MAST4: variants seen among roughly 807,000 people sequenced by gnomAD.
The protein encoded by MAST4 is microtubule associated serine/threonine kinase family member 4.
In MAST4, 89 loss-of-function variants were observed where a neutral mutation model predicts 162.7. That is an observed-to-expected ratio of 0.55 (90% confidence interval 0.46 to 0.65). The LOEUF is 0.65. Among genes scored for constraint, MAST4 ranks in the 30% least tolerant of loss-of-function variants. The pLI is 0.00. For synonymous variants in MAST4, 1,479 were observed against 1,361.1 expected, an observed-to-expected ratio of 1.09 and a Z score of -1.91; for missense variants, 3,153 against 3,374.0, an observed-to-expected ratio of 0.93 and a Z score of 1.62.
chr5:66,957,796 G>A (rs568316245), intron 4 of MAST4, among the ~76,000 whole-genome samples: 117 of 152,278 alleles, frequency 7.7e-4, no homozygotes, highest in African/African-American at 2.8e-3. Context: ...GGGAGACTTC[G>A]TGAAAATGAG....
intron 7 of MAST4, among the ~76,000 whole-genome samples, chr5:67,099,836 T>C (rs926326459): frequency 6.6e-6 from 1 of 151,898 alleles, no homozygotes; most frequent in Non-Finnish European, 1.5e-5. Flanking sequence ...TTTTAAGTTA[T>C]AATCTCAGCC....
chr5:66,643,808 T>A (rs1343764110), intron 1 of MAST4, among the ~76,000 whole-genome samples: 1 of 152,016 alleles, frequency 6.6e-6, no homozygotes, highest in Non-Finnish European at 1.5e-5. Context: ...TCCATTTGCA[T>A]TCCTAAATTG....
chr5:66,768,152 G>T (rs1254942039), intron 2 of MAST4, among the ~76,000 whole-genome samples: 3 of 152,210 alleles, frequency 2.0e-5, no homozygotes, highest in African/African-American at 4.8e-5. Flanking sequence ...AAGAAAATGT[G>T]CAATGAAAGG....
intron 4 of MAST4, among the ~76,000 whole-genome samples, chr5:66,955,883 A>T (rs951967819): frequency 2.6e-5 from 4 of 152,044 alleles, no homozygotes; most frequent in African/African-American, 9.7e-5. Context: ...ATGCCTGATT[A>T]TGTGTGTGTT....
chr5:66,785,311 C>T (rs2149668767), intron 2 of MAST4, among the ~76,000 whole-genome samples: 1 of 152,328 alleles, frequency 6.6e-6, no homozygotes, highest in East Asian at 1.9e-4. Context: ...AATCACTCTG[C>T]TCCCATCTTT....
rs953346311 is a variant in MAST4 at position 66,781,835 on chromosome 5, A to G, written c.518-6835A>G. ...GGTGATACGGAACTTTTTTAATGGAAGCTTTCAAATCTAATCGGGTACCAT... is the reference window on the plus strand; with the variant it reads ...GGTGATACGGAACTTTTTTAATGGAGGCTTTCAAATCTAATCGGGTACCAT... On this transcript the variant is annotated intron_variant, in intron 2 of 28. Coordinates refer to ENST00000403625, the MANE Select transcript of MAST4 (RefSeq NM_001164664.2). Among the ~76,000 whole-genome samples the G allele has an allele frequency of 2.6e-5, 4 of 152,236 alleles. No individual in the cohort carries two copies. The East Asian group carries it at 7.7e-4, about 29-fold the overall frequency.
At chr5:67,033,032 C>T (rs188135499) in intron 4 of MAST4, among the ~76,000 whole-genome samples, 11 of 151,944 alleles carry the variant, frequency 7.2e-5, no homozygotes, top group Non-Finnish European at 1.3e-4. Context: ...TCTAACCATG[C>T]TTACGAAGAC....
intron 14 of MAST4, among the ~76,000 whole-genome samples, chr5:67,128,817 G>A (rs1768567246): frequency 6.6e-6 from 1 of 152,152 alleles, no homozygotes; most frequent in African/African-American, 2.4e-5. Flanking sequence ...TATAAGGTGG[G>A]CACTGGACAT....
chr5:66,938,782 T>C (rs2150095654), intron 4 of MAST4, among the ~76,000 whole-genome samples: 1 of 152,220 alleles, frequency 6.6e-6, no homozygotes. Context: ...GTGAAACAAA[T>C]ATTAAATGGT....
In MAST4 at chr5:67,153,668, C is replaced by T. The variant is rs937687477; in HGVS notation, c.3648+88C>T. 12 of 1,237,556 alleles carry T rather than the reference C, an allele frequency of 9.7e-6. No homozygotes were observed. In the Admixed American group the frequency reaches 3.6e-4, roughly 37 times the overall value. The allele number at this position is 1,237,556 out of a possible 1,614,324, so 76.7% of individuals were successfully genotyped here. ...AGGAGATTGATTTCCCTGTGTCACA[C>T]CCATGTCTGATTACTGAGAAAGTAT... On this transcript the variant is annotated intron_variant, in intron 26 of 28. Coordinates refer to ENST00000403625, the MANE Select transcript of MAST4 (RefSeq NM_001164664.2).
intron 3 of MAST4, among the ~76,000 whole-genome samples, chr5:66,819,669 C>A (rs1293798691): frequency 6.6e-6 from 1 of 151,944 alleles, no homozygotes; most frequent in African/African-American, 2.4e-5. Context: ...AGAAAATTTT[C>A]CAGAGTTTTT....
intron 4 of MAST4, among the ~76,000 whole-genome samples, chr5:66,983,632 G>C (rs758077717): frequency 6.6e-6 from 1 of 152,090 alleles, no homozygotes; most frequent in Non-Finnish European, 1.5e-5. Context: ...GAAATGATTA[G>C]TAAATAGTTT....
chr5:66,960,800 T>C (rs73768753), intron 4 of MAST4, among the ~76,000 whole-genome samples: 4,475 of 152,274 alleles, frequency 0.029, 228 homozygotes, highest in African/African-American at 0.1. Context: ...AGTAACTTTT[T>C]AAAAATATGA....
intron 1 of MAST4, among the ~76,000 whole-genome samples, chr5:66,706,978 C>A (rs889302548): frequency 5.3e-5 from 8 of 152,210 alleles, no homozygotes; most frequent in African/African-American, 1.9e-4. Context: ...CTTTCAGTTA[C>A]TGTAATTTCT....
intron 1 of MAST4, among the ~76,000 whole-genome samples, chr5:66,749,745 A>G (rs1272551086): frequency 1.3e-5 from 2 of 152,214 alleles, no homozygotes; most frequent in Non-Finnish European, 2.9e-5. Flanking sequence ...CTAACATCTC[A>G]TGGTTGAGGA....
intron 1 of MAST4, among the ~76,000 whole-genome samples, chr5:66,617,151 G>A (rs912539450): frequency 3.9e-5 from 6 of 152,222 alleles, no homozygotes; most frequent in Non-Finnish European, 4.4e-5. Context: ...ATACAACCAG[G>A]AGCAGTATCT....
At position 66,620,850 on chromosome 5, in the gene MAST4, G is replaced by A. The variant is rs557613913; in HGVS notation, c.363+23832G>A. ...TTAGAATGGTAGGGAGCTCAAAAGT[G>A]GAGGATTGTGACTTCAGTTGTGGCT... is the stretch of plus-strand genomic sequence containing the variant. On this transcript the variant is annotated intron_variant, in intron 1 of 28. Coordinates refer to ENST00000403625, the MANE Select transcript of MAST4 (RefSeq NM_001164664.2). Among the ~76,000 whole-genome samples the A allele has an allele frequency of 5.9e-5, 9 of 152,048 alleles. No individual in the cohort carries two copies. The East Asian group carries it at 1.7e-3, about 29-fold the overall frequency.
chr5:66,744,407 T>A (rs1046553352), intron 1 of MAST4, among the ~76,000 whole-genome samples: 2 of 152,254 alleles, frequency 1.3e-5, no homozygotes, highest in Admixed American at 1.3e-4. Flanking sequence ...TGAATATTAA[T>A]TTTTAGCATT....
At chr5:66,744,340 A>T (rs1201174036) in intron 1 of MAST4, among the ~76,000 whole-genome samples, 1 of 152,190 alleles carries the variant, frequency 6.6e-6, no homozygotes, top group Non-Finnish European at 1.5e-5. Flanking sequence ...GGTCAGAGCT[A>T]TCCACTGTAG....
Sources: gnomAD v4.1 joint callset for allele counts (sites outside exome capture counted in the v4.1 genomes callset) on GRCh38, gnomAD v4.1.1 for gene constraint, MANE v1.5 for transcripts, NCBI Gene and HGNC (gene_info 2026-07-23, HGNC 2026-07-21) for gene names.